HNF4G: variants seen among roughly 807,000 people sequenced by gnomAD.
HNF4G encodes the protein hepatocyte nuclear factor 4-gamma.
In HNF4G, 21 loss-of-function variants were observed where a neutral mutation model predicts 50.9. That is an observed-to-expected ratio of 0.41 (90% CI 0.29 to 0.59). The LOEUF (loss-of-function observed/expected upper bound fraction) is 0.59, where lower values mean the gene tolerates loss of function less well. HNF4G is among the 20% of genes least tolerant of loss of function. The pLI is 0.26. For missense variants in HNF4G, 527 were observed against 559.4 expected (o/e 0.94, Z 0.58); for synonymous variants, 198 against 185.6 (o/e 1.07, Z -0.54).
chr8:75,510,171 A>T (rs1366161908), intron 2 of HNF4G, among the ~76,000 whole-genome samples: 1 of 152,088 alleles, frequency 6.6e-6, no homozygotes, highest in Non-Finnish European at 1.5e-5. Context: ...ATTTTAACAA[A>T]AGTTTAAAAA....
At chr8:75,471,353 T>G (rs987148405) in intron 1 of HNF4G, among the ~76,000 whole-genome samples, 2 of 152,196 alleles carry the variant, frequency 1.3e-5, no homozygotes, top group African/African-American at 4.8e-5. Context: ...ATTTCTGCAG[T>G]ATATCTAAGC....
intron 2 of HNF4G, chr8:75,495,640 C>G (rs1812751000): frequency 6.6e-6 from 1 of 150,574 alleles, no homozygotes; most frequent in Non-Finnish European, 1.5e-5. Context: ...CGAGTTCATG[C>G]AATTCTTGTG....
intron 1 of HNF4G, among the ~76,000 whole-genome samples, chr8:75,434,002 C>CTTTTTTT (rs139429237): frequency 1.1e-4 from 13 of 123,274 alleles, no homozygotes; most frequent in South Asian, 2.7e-4. Context: ...TGTTTCTTTT[C>CTTTTTTT]TTTTTTTTTT....
intron 2 of HNF4G, among the ~76,000 whole-genome samples, chr8:75,517,586 T>C (rs1342030902): frequency 6.6e-6 from 1 of 152,208 alleles, no homozygotes; most frequent in Admixed American, 6.5e-5. Context: ...AGCTCCAAAG[T>C]GATCCCCTTT....
At chr8:75,504,974 T>C (rs564931220) in intron 2 of HNF4G, among the ~76,000 whole-genome samples, 1 of 152,240 alleles carries the variant, frequency 6.6e-6, no homozygotes, top group East Asian at 1.9e-4. Flanking sequence ...ATTTCTTAAT[T>C]CCACTCATTA....
intron 5 of HNF4G, among the ~76,000 whole-genome samples, chr8:75,555,397 G>C (rs973984747): frequency 1.3e-5 from 2 of 152,178 alleles, no homozygotes; most frequent in African/African-American, 4.8e-5. Context: ...GTGTACGAAT[G>C]AAGCTCAGTT....
intron 2 of HNF4G, among the ~76,000 whole-genome samples, chr8:75,502,770 G>T (rs551233102): frequency 3.9e-5 from 6 of 152,144 alleles, no homozygotes; most frequent in African/African-American, 7.2e-5. Context: ...TATACCTTTC[G>T]CTCAGAAATT....
chr8:75,556,078 T>C lies in HNF4G; in HGVS notation c.733+9T>C. On this transcript the variant is annotated intron_variant, in intron 6 of 9. Transcript: ENST00000396423. ...AGATATTTTGCTTTTGGGTAAGTTTTTTTTTTTTAATTTAAGAAGAAATTA... is the reference window on the plus strand; with the variant it reads ...AGATATTTTGCTTTTGGGTAAGTTTCTTTTTTTTAATTTAAGAAGAAATTA... 1 of 1,448,554 alleles carries C rather than the reference T, an allele frequency of 6.9e-7. No homozygotes were observed. Among genetic ancestry groups the C allele is most frequent in the South Asian group, 1.3e-5 (1 of 78,698 alleles). The allele number at this position is 1,448,554 out of a possible 1,614,324, so 89.7% of individuals were successfully genotyped here. A position where few individuals can be genotyped will look rare whatever the true frequency, so the allele number is the denominator to read the frequency against.
exon 1 of HNF4G, chr8:75,408,066 G>A (rs1030839267): frequency 6.6e-6 from 1 of 152,198 alleles, no homozygotes. Flanking sequence ...GCGGCTGAAG[G>A]AGGGGCTGAG....
intron 3 of HNF4G, among the ~76,000 whole-genome samples, chr8:75,550,466 C>A (rs560675534): frequency 6.6e-6 from 1 of 152,172 alleles, no homozygotes; most frequent in Non-Finnish European, 1.5e-5. Context: ...GCGTGTGCCA[C>A]CACGCCTGGC....
chr8:75,518,955 TTATGCTC>T (rs1805967049), intron 2 of HNF4G, among the ~76,000 whole-genome samples: 1 of 152,218 alleles, frequency 6.6e-6, no homozygotes, highest in Admixed American at 6.5e-5. Context: ...TTCTGAACTT[TTATGCTC>T]TGCTTCCTCT....
At chr8:75,517,789 C>T (rs1805932363) in intron 2 of HNF4G, among the ~76,000 whole-genome samples, 2 of 152,176 alleles carry the variant, frequency 1.3e-5, no homozygotes, top group South Asian at 4.2e-4. Context: ...GACGGTGGCC[C>T]TCTTCTTACA....
chr8:75,451,953 G>A (rs1156803432), intron 1 of HNF4G, among the ~76,000 whole-genome samples: 1 of 152,168 alleles, frequency 6.6e-6, no homozygotes, highest in Non-Finnish European at 1.5e-5. Context: ...CATGCACAAT[G>A]TCTGAAGGCC....
chr8:75,563,844 T>A, intron 9 of HNF4G, 131 bp from the exon 10 acceptor site: 1 of 955,870 alleles, frequency 1.0e-6, no homozygotes. Context: ...ATTCTACAAA[T>A]CACTATTCTG....
At chr8:75,552,684 T>C (rs1215075501) in intron 4 of HNF4G, among the ~76,000 whole-genome samples, 4 of 152,138 alleles carry the variant, frequency 2.6e-5, no homozygotes, top group Non-Finnish European at 4.4e-5. Context: ...TCAAAGAGCA[T>C]ATTACATATG....
At chr8:75,484,880 T>C (rs1248902263) in intron 1 of HNF4G, among the ~76,000 whole-genome samples, 5 of 152,226 alleles carry the variant, frequency 3.3e-5, no homozygotes. Flanking sequence ...AAACCATATT[T>C]ATTACATTTT....
At chr8:75,466,506 C>A (rs1811975528) in intron 1 of HNF4G, among the ~76,000 whole-genome samples, 1 of 150,600 alleles carries the variant, frequency 6.6e-6, no homozygotes, top group African/African-American at 2.4e-5. Context: ...TCCTCCCTCT[C>A]TCCCTCCCTC....
intron 1 of HNF4G, among the ~76,000 whole-genome samples, chr8:75,437,531 GT>G (rs1811167377): frequency 6.6e-6 from 1 of 152,032 alleles, no homozygotes; most frequent in African/African-American, 2.4e-5. Context: ...AAGGAAGAAT[GT>G]TTTTTAAAAT....
At chr8:75,527,556 G>T (rs966074295) in intron 2 of HNF4G, among the ~76,000 whole-genome samples, 2 of 152,150 alleles carry the variant, frequency 1.3e-5, no homozygotes, top group Admixed American at 6.5e-5. Context: ...CATCCTTTTT[G>T]TGTTTAAGAA....
Sources: allele counts gnomAD v4.1 joint callset (sites outside exome capture counted in the v4.1 genomes callset), GRCh38; gene constraint gnomAD v4.1.1; transcripts MANE v1.5; gene names NCBI Gene and HGNC (gene_info 2026-07-23, HGNC 2026-07-21).